The following HSD17B3 variants were observed in gnomAD, a reference collection of about 807,000 sequenced individuals.
The protein encoded by HSD17B3 is 17-beta-hydroxysteroid dehydrogenase type 3.
Under a neutral mutation model 41.1 loss-of-function variants are expected in HSD17B3, and 29 were observed. The ratio of observed to expected loss-of-function variants is 0.71; its 90% CI spans 0.53 to 0.96. The LOEUF (loss-of-function observed/expected upper bound fraction) is 0.96, where lower values mean the gene tolerates loss of function less well. HSD17B3 is among the 40% of genes least tolerant of loss of function. HSD17B3 has a pLI of 0.00. For synonymous variants in HSD17B3, 126 were observed against 145.6 expected, an observed-to-expected ratio of 0.87 and a Z score of 0.97; for missense variants, 323 against 374.6, an observed-to-expected ratio of 0.86 and a Z score of 1.14.
chr9:96,268,291 A>T (rs143557758), intron 2 of HSD17B3, among the ~76,000 whole-genome samples: 1,603 of 152,318 alleles, frequency 0.011, 77 homozygotes, highest in Admixed American at 0.092. Context: ...TGATAGCTTT[A>T]CAATAAACTC....
At chr9:96,297,272 C>T (rs1207540914) in intron 2 of HSD17B3, among the ~76,000 whole-genome samples, 1 of 146,332 alleles carries the variant, frequency 6.8e-6, no homozygotes, top group Non-Finnish European at 1.5e-5. Context: ...AACTGTATTT[C>T]TAGGATTACT....
At chr9:96,292,017 T>C (rs191143431) in intron 2 of HSD17B3, among the ~76,000 whole-genome samples, 2 of 149,942 alleles carry the variant, frequency 1.3e-5, no homozygotes, top group South Asian at 2.1e-4. Flanking sequence ...ATGGCAAAAA[T>C]AGAAAAATCT....
At chr9:96,253,128 C>G (rs1037266765) in intron 3 of HSD17B3, among the ~76,000 whole-genome samples, 1 of 152,122 alleles carries the variant, frequency 6.6e-6, no homozygotes, top group Non-Finnish European at 1.5e-5. Context: ...TGCAGGGACA[C>G]GTATATGCAT....
chr9:96,235,640 T>C (rs1587704682), intron 10 of HSD17B3, 70 bp from the exon 11 acceptor site: 1 of 915,392 alleles, frequency 1.1e-6, no homozygotes, highest in East Asian at 2.9e-5. Flanking sequence ...CTTTGTGGTC[T>C]TTAAAAATAT....
chr9:96,254,991 G>A (rs779920744), intron 2 of HSD17B3, 48 bp from the exon 3 acceptor site: 2 of 1,515,462 alleles, frequency 1.3e-6, no homozygotes, highest in South Asian at 1.1e-5. Context: ...TGAGCAGACA[G>A]GGAGGGCTTG....
intron 2 of HSD17B3, among the ~76,000 whole-genome samples, chr9:96,286,743 T>C (rs969449005): frequency 6.6e-6 from 1 of 150,660 alleles, no homozygotes; most frequent in Non-Finnish European, 1.5e-5. Context: ...TGACCTCTGG[T>C]CATCCTCACT....
At chr9:96,291,153 C>T (rs1274942519) in intron 2 of HSD17B3, among the ~76,000 whole-genome samples, 1 of 152,150 alleles carries the variant, frequency 6.6e-6, no homozygotes, top group Non-Finnish European at 1.5e-5. Flanking sequence ...ACCTCTTCCC[C>T]TCTTTGTCCT....
chr9:96,295,614 C>T (rs745492456), intron 2 of HSD17B3, among the ~76,000 whole-genome samples: 2 of 152,056 alleles, frequency 1.3e-5, no homozygotes, highest in South Asian at 2.1e-4. Context: ...GGATTACAGG[C>T]GTGAGCCACT....
chr9:96,246,415 T>C, intron 7 of HSD17B3, 141 bp downstream of exon 7: 2 of 784,934 alleles, frequency 2.5e-6, no homozygotes, highest in Admixed American at 4.0e-5. Flanking sequence ...TTTTTTCCCA[T>C]AATCACCGTG....
chr9:96,262,762 T>C (rs1825909320), intron 2 of HSD17B3, among the ~76,000 whole-genome samples: 1 of 152,226 alleles, frequency 6.6e-6, no homozygotes, highest in South Asian at 2.1e-4. Context: ...TCTTGAATTA[T>C]ATTTTGTCTG....
intron 2 of HSD17B3, among the ~76,000 whole-genome samples, chr9:96,290,135 C>T (rs1299789428): frequency 2.0e-5 from 3 of 151,960 alleles, no homozygotes; most frequent in African/African-American, 7.3e-5. Flanking sequence ...AAGAGTGGGC[C>T]CACTCTCTTC....
intron 2 of HSD17B3, among the ~76,000 whole-genome samples, chr9:96,268,189 T>G (rs891702390): frequency 6.6e-6 from 1 of 152,332 alleles, no homozygotes. Context: ...CCTCCCAAAG[T>G]GCTGGGATTA....
intron 2 of HSD17B3, among the ~76,000 whole-genome samples, chr9:96,262,433 G>C (rs187360029): frequency 1.3e-5 from 2 of 151,308 alleles, no homozygotes; most frequent in Non-Finnish European, 2.9e-5. Flanking sequence ...CAGTAGACAC[G>C]GGGTTTCACG....
chr9:96,253,401 C>A (rs898387206), intron 3 of HSD17B3, among the ~76,000 whole-genome samples: 5 of 152,186 alleles, frequency 3.3e-5, no homozygotes, highest in African/African-American at 1.2e-4. Flanking sequence ...CAAGTCTCCT[C>A]CACACAGACC....
intron 9 of HSD17B3, among the ~76,000 whole-genome samples, chr9:96,243,204 C>T (rs1836521168): frequency 6.6e-6 from 1 of 152,200 alleles, no homozygotes; most frequent in Non-Finnish European, 1.5e-5. Flanking sequence ...CTGCAGCAAA[C>T]TTAGCCCAGA....
Position 96,295,524 on chromosome 9 carries a change from G to A in HSD17B3, c.201+2892C>T, listed in dbSNP as rs1396077777. ...TAATTTTTGTATTGTAAGTAGAGACGGAGTTTCACCATGTTGGCCAGGCTG... is the reference window on the plus strand; with the variant it reads ...TAATTTTTGTATTGTAAGTAGAGACAGAGTTTCACCATGTTGGCCAGGCTG... On this transcript the variant is annotated intron_variant, in intron 2 of 10. Transcript: ENST00000375263. Among the ~76,000 whole-genome samples the A allele has an allele frequency of 3.3e-5, 5 of 151,674 alleles. No homozygotes were observed. In the East Asian group the frequency reaches 5.9e-4, roughly 18 times the overall value.
rs1827447788 is a variant in HSD17B3 at position 96,298,445 on chromosome 9, C to T, written c.172G>A (p.Asp58Asn). The change falls in exon 2 of 11, where the codon GAT becomes AAT. Residue 58 changes from aspartate to asparagine, a missense_variant. Physicochemically the swap from Asp to Asn is conservative, Grantham distance 23. Coordinates refer to ENST00000375263, the MANE Select transcript of HSD17B3 (RefSeq NM_000197.2). ...AACGAGTACGCTTTCCCAATTCCATCGCCTGCTCCAGTGATCACTGTGAAA... is the reference window on the plus strand; with the variant it reads ...AACGAGTACGCTTTCCCAATTCCATTGCCTGCTCCAGTGATCACTGTGAAA... ...GQWAVITGAG[D>N]GIGKAYSFEL... 4 of 1,613,642 alleles carry T rather than the reference C, an allele frequency of 2.5e-6. No homozygotes were observed. Among genetic ancestry groups the T allele is most frequent in the African/African-American group, 1.3e-5 (1 of 74,916 alleles).
intron 1 of HSD17B3, among the ~76,000 whole-genome samples, chr9:96,299,190 G>A (rs1180861422): frequency 1.3e-5 from 2 of 152,152 alleles, no homozygotes; most frequent in Admixed American, 6.5e-5. Flanking sequence ...CTACAATTCG[G>A]TATATCGTAA....
At chr9:96,289,911 T>G (rs970588811) in intron 2 of HSD17B3, among the ~76,000 whole-genome samples, 1 of 152,088 alleles carries the variant, frequency 6.6e-6, no homozygotes, top group Non-Finnish European at 1.5e-5. Context: ...ACGGCTGCCG[T>G]GGGATGAATG....
Sources: allele counts gnomAD v4.1 joint callset (sites outside exome capture counted in the v4.1 genomes callset), GRCh38; gene constraint gnomAD v4.1.1; transcripts MANE v1.5; gene names NCBI Gene and HGNC (gene_info 2026-07-23, HGNC 2026-07-21).